FHIT: variants seen among roughly 807,000 people sequenced by gnomAD.
The protein encoded by FHIT is fragile histidine triad diadenosine triphosphatase.
A neutral mutation model predicts 17.9 loss-of-function variants in FHIT; 19 were observed. The observed-to-expected ratio is 1.06, with a 90% CI of 0.74 to 1.56. The LOEUF (loss-of-function observed/expected upper bound fraction) is 1.56. FHIT is among the 40% of genes most tolerant of loss of function. The pLI is 0.00. For missense variants in FHIT, 248 were observed against 189.2 expected (o/e 1.31, Z -1.82); for synonymous variants, 81 against 69.7 (o/e 1.16, Z -0.81).
Position 60,413,754 on chromosome 3 carries a change from C to T in FHIT, c.103+123106G>A, listed in dbSNP as rs113353085. Among the ~76,000 whole-genome samples the T allele has an allele frequency of 1.0e-2, 1,519 of 152,080 alleles. 11 individuals are homozygous for T. Among genetic ancestry groups the T allele is most frequent in the Middle Eastern group, 0.024 (7 of 292 alleles). ...ACTGGTAGTATGTAGTTGTCCATGT[C>T]AATAACAAAAAAGCAAACACACAAA... On this transcript the variant is annotated intron_variant, in intron 5 of 9. Transcript: ENST00000492590.
intron 5 of FHIT, among the ~76,000 whole-genome samples, chr3:60,433,002 C>T (rs984372121): frequency 3.3e-5 from 5 of 151,538 alleles, no homozygotes; most frequent in Admixed American, 2.0e-4. Context: ...TAACTGTACA[C>T]ACATTACACA....
chr3:60,235,166 C>T (rs1299279633), intron 5 of FHIT, among the ~76,000 whole-genome samples: 2 of 152,034 alleles, frequency 1.3e-5, no homozygotes, highest in African/African-American at 4.8e-5. Flanking sequence ...CATCTTTCAA[C>T]CATGGTCAAA....
intron 2 of FHIT, among the ~76,000 whole-genome samples, chr3:61,157,125 G>C (rs1028046851): frequency 6.6e-6 from 1 of 152,128 alleles, no homozygotes; most frequent in African/African-American, 2.4e-5. Flanking sequence ...ACAACAGAGA[G>C]AATAAACATA....
intron 5 of FHIT, among the ~76,000 whole-genome samples, chr3:60,179,883 C>T (rs56280355): frequency 0.18 from 28,111 of 152,076 alleles, 3,186 homozygotes; most frequent in East Asian, 0.31. Flanking sequence ...CCATTAATTC[C>T]CCAGTATTGC....
intron 3 of FHIT, among the ~76,000 whole-genome samples, chr3:60,899,026 A>T (rs1484210619): frequency 6.6e-6 from 1 of 152,056 alleles, no homozygotes; most frequent in Admixed American, 6.6e-5. Context: ...AATAACATGC[A>T]TTTTTTTTCC....
chr3:60,120,038 C>T (rs535196835), intron 5 of FHIT, among the ~76,000 whole-genome samples: 5 of 152,300 alleles, frequency 3.3e-5, no homozygotes, highest in East Asian at 3.9e-4. Flanking sequence ...CTGAAGCTTA[C>T]GGCACTGTTA....
chr3:61,106,798 C>T (rs1432313333), intron 2 of FHIT, among the ~76,000 whole-genome samples: 2 of 152,042 alleles, frequency 1.3e-5, no homozygotes, highest in Non-Finnish European at 2.9e-5. Flanking sequence ...ATAGCTGGGA[C>T]TACCGGCATG....
intron 4 of FHIT, chr3:60,732,683 G>GTT: frequency 5.2e-6 from 1 of 193,156 alleles, no homozygotes; most frequent in Non-Finnish European, 9.8e-6. Flanking sequence ...TGCAAAGACT[G>GTT]CTTTTTTTTT....
intron 8 of FHIT, among the ~76,000 whole-genome samples, chr3:59,766,577 T>C (rs1701807980): frequency 6.6e-6 from 1 of 152,232 alleles, no homozygotes; most frequent in African/African-American, 2.4e-5. Context: ...TGCTCTTATG[T>C]TTTATTTTCA....
chr3:59,952,897 G>C (rs1032123595), intron 7 of FHIT, among the ~76,000 whole-genome samples: 2 of 151,980 alleles, frequency 1.3e-5, no homozygotes, highest in Non-Finnish European at 2.9e-5. Flanking sequence ...GTGAAGAGGA[G>C]ACTAGCCACT....
chr3:60,113,193 C>T (rs1225807895), intron 5 of FHIT, among the ~76,000 whole-genome samples: 2 of 152,182 alleles, frequency 1.3e-5, no homozygotes, highest in East Asian at 1.9e-4. Flanking sequence ...TATCTCCTTT[C>T]CCTACTAAGA....
chr3:60,375,532 G>A (rs958801993), intron 5 of FHIT, among the ~76,000 whole-genome samples: 3 of 152,026 alleles, frequency 2.0e-5, no homozygotes, highest in South Asian at 2.1e-4. Flanking sequence ...CAGAGATCAC[G>A]CCACTGCACT....
chr3:60,916,688 G>A (rs1158652263), intron 3 of FHIT, among the ~76,000 whole-genome samples: 1 of 152,130 alleles, frequency 6.6e-6, no homozygotes, highest in East Asian at 1.9e-4. Flanking sequence ...CATATTTCAT[G>A]GCTGAATATT....
chr3:60,067,814 C>G (rs755764455), intron 5 of FHIT, among the ~76,000 whole-genome samples: 1 of 152,222 alleles, frequency 6.6e-6, no homozygotes, highest in African/African-American at 2.4e-5. Flanking sequence ...CCAGCACGTT[C>G]TTGTCGCTGC....
At chr3:60,308,496 G>GTATATATATATATA (rs5849349) in intron 5 of FHIT, among the ~76,000 whole-genome samples, 253 of 140,820 alleles carry the variant, frequency 1.8e-3, no homozygotes, top group African/African-American at 5.6e-3. Flanking sequence ...AGGTGTATGT[G>GTATATATATATATA]TATATATATA....
intron 5 of FHIT, among the ~76,000 whole-genome samples, chr3:60,107,494 G>C (rs1207785236): frequency 1.3e-5 from 2 of 152,132 alleles, no homozygotes; most frequent in East Asian, 1.9e-4. Flanking sequence ...GCTCCACAGA[G>C]GGAACATGAT....
intron 7 of FHIT, among the ~76,000 whole-genome samples, chr3:59,957,973 A>G (rs764151232): frequency 6.6e-6 from 1 of 152,232 alleles, no homozygotes; most frequent in Non-Finnish European, 1.5e-5. Flanking sequence ...ATGTCCTTGA[A>G]CACGTTTGAA....
At chr3:61,043,326 G>T (rs1392971389) in intron 2 of FHIT, among the ~76,000 whole-genome samples, 1 of 151,396 alleles carries the variant, frequency 6.6e-6, no homozygotes, top group South Asian at 2.3e-4. Context: ...AGCTCGGAGG[G>T]TCCCACGCCT....
intron 7 of FHIT, among the ~76,000 whole-genome samples, chr3:59,983,912 C>T (rs866360609): frequency 2.0e-5 from 3 of 151,824 alleles, no homozygotes; most frequent in South Asian, 2.1e-4. Flanking sequence ...GGAAGAGTTG[C>T]TGCATAGACC....
Sources: gnomAD v4.1 joint callset for allele counts (sites outside exome capture counted in the v4.1 genomes callset) on GRCh38, gnomAD v4.1.1 for gene constraint, MANE v1.5 for transcripts, NCBI Gene and HGNC (gene_info 2026-07-23, HGNC 2026-07-21) for gene names.